Variants in MAP3K1 observed in about 807,000 individuals in gnomAD.
The protein encoded by MAP3K1 is mitogen-activated protein kinase kinase kinase 1.
MAP3K1 carries 36 observed loss-of-function variants against 144.2 expected under a neutral mutation model. That is an observed-to-expected ratio of 0.25 (90% CI 0.19 to 0.33). The LOEUF (loss-of-function observed/expected upper bound fraction) is 0.33. Among genes scored for constraint, MAP3K1 ranks in the 10% least tolerant of loss-of-function variants. The pLI, the probability that MAP3K1 is intolerant of heterozygous loss-of-function variation, is 1.00. For missense variants in MAP3K1, 1,650 were observed against 1,881.9 expected, an observed-to-expected ratio of 0.88 and a Z score of 2.28; for synonymous variants, 718 against 688.7, an observed-to-expected ratio of 1.04 and a Z score of -0.67.
chr5:56,860,674 G>A (rs1041311138), intron 3 of MAP3K1, among the ~76,000 whole-genome samples: 11 of 152,040 alleles, frequency 7.2e-5, no homozygotes, highest in African/African-American at 2.7e-4. Context: ...CCAACATGGT[G>A]AAACCTCATC....
At chr5:56,849,254 G>A (rs1286728716) in intron 1 of MAP3K1, among the ~76,000 whole-genome samples, 3 of 151,930 alleles carry the variant, frequency 2.0e-5, no homozygotes, top group Admixed American at 6.6e-5. Flanking sequence ...GGAGGCTGAC[G>A]CTGGAGGATT....
intron 1 of MAP3K1, among the ~76,000 whole-genome samples, chr5:56,845,197 A>G (rs1409730076): frequency 6.6e-6 from 1 of 152,244 alleles, no homozygotes; most frequent in African/African-American, 2.4e-5. Context: ...GTATTATGCC[A>G]TAACCTACAT....
At chr5:56,832,363 C>G (rs1467510249) in intron 1 of MAP3K1, among the ~76,000 whole-genome samples, 5 of 152,196 alleles carry the variant, frequency 3.3e-5, no homozygotes, top group Non-Finnish European at 7.3e-5. Flanking sequence ...TGGGATCCAG[C>G]CTCAATCATC....
intron 1 of MAP3K1, among the ~76,000 whole-genome samples, chr5:56,840,776 C>G (rs6875569): frequency 0.039 from 5,947 of 151,918 alleles, 407 homozygotes; most frequent in African/African-American, 0.14. Flanking sequence ...GAAACTTGGT[C>G]TGAGAGCCGC....
intron 1 of MAP3K1, among the ~76,000 whole-genome samples, chr5:56,819,294 A>G (rs1746080504): frequency 1.3e-5 from 2 of 152,220 alleles, no homozygotes; most frequent in African/African-American, 2.4e-5. Flanking sequence ...AACAGGAAGT[A>G]GCCCTGTTCA....
At chr5:56,843,082 C>T (rs926890560) in intron 1 of MAP3K1, among the ~76,000 whole-genome samples, 1 of 152,178 alleles carries the variant, frequency 6.6e-6, no homozygotes, top group African/African-American at 2.4e-5. Flanking sequence ...CACGTTTCCT[C>T]ATGTGACCCC....
At chr5:56,817,184 A>G (rs1309001322) in intron 1 of MAP3K1, 1 of 761,930 alleles carries the variant, frequency 1.3e-6, no homozygotes, top group Non-Finnish European at 1.6e-6. Flanking sequence ...TGTTAAAGGA[A>G]ATTCTTTTAA....
Position 56,872,042 on chromosome 5 carries a change from C to CT in MAP3K1, c.1423+16dup, listed in dbSNP as rs764624444. On this transcript the variant is annotated intron_variant, in intron 7 of 19. Coordinates refer to ENST00000399503, the MANE Select transcript of MAP3K1 (RefSeq NM_005921.2). ...ACTGCATGTCAATTTGTATGTGGCTCTTTTTCTCCCTATGCTTACTCAACA... is the reference window on the plus strand; with the variant it reads ...ACTGCATGTCAATTTGTATGTGGCTCTTTTTTCTCCCTATGCTTACTCAACA... The CT allele has an allele frequency of 6.2e-7, 1 of 1,613,900 alleles. No homozygotes were observed. Among genetic ancestry groups the CT allele is most frequent in the South Asian group, 1.1e-5 (1 of 91,074 alleles).
chr5:56,854,469 AT>A (rs964312966), intron 1 of MAP3K1, among the ~76,000 whole-genome samples: 24 of 151,990 alleles, frequency 1.6e-4, no homozygotes, highest in African/African-American at 5.8e-4. Flanking sequence ...AAAGAAAAAA[AT>A]AATCTCATAG....
chr5:56,851,557 TTCTC>T (rs1455293345), intron 1 of MAP3K1, among the ~76,000 whole-genome samples: 1 of 152,206 alleles, frequency 6.6e-6, no homozygotes, highest in Non-Finnish European at 1.5e-5. Context: ...TTCTTCTAAT[TTCTC>T]TCTCTTCTCC....
chr5:56,874,648 A>G (rs114742333), intron 9 of MAP3K1, among the ~76,000 whole-genome samples: 2,936 of 151,992 alleles, frequency 0.019, 114 homozygotes, highest in African/African-American at 0.067. Context: ...TGTTTTCTTA[A>G]TCTTGCTCCA....
intron 19 of MAP3K1, among the ~76,000 whole-genome samples, chr5:56,893,201 T>A (rs1404336045): frequency 6.6e-6 from 1 of 152,174 alleles, no homozygotes; most frequent in East Asian, 1.9e-4. Context: ...TCTCGGAGAT[T>A]GAATATGAGG....
At chr5:56,865,719 C>A in intron 5 of MAP3K1, 110 bp from the exon 6 acceptor site, 2 of 1,152,954 alleles carry the variant, frequency 1.7e-6, no homozygotes, top group Non-Finnish European at 1.3e-6. Flanking sequence ...GCTCTTAAAT[C>A]AACTTTATGA....
intron 1 of MAP3K1, among the ~76,000 whole-genome samples, chr5:56,835,665 G>A (rs1273338264): frequency 1.3e-5 from 2 of 151,812 alleles, no homozygotes; most frequent in Admixed American, 6.6e-5. Context: ...ATAGAAGCTA[G>A]AATGTTTGCA....
intron 9 of MAP3K1, 52 bp from the exon 10 acceptor site, chr5:56,874,980 T>C: frequency 6.3e-7 from 1 of 1,588,132 alleles, no homozygotes; most frequent in Non-Finnish European, 8.6e-7. Flanking sequence ...CAAAATGCTC[T>C]GGGTCCATAA....
In MAP3K1 at chr5:56,815,773, G is replaced by A; in HGVS notation, c.200G>A (p.Ser67Asn). The change falls in exon 1 of 20, where the codon AGT (serine) becomes AAT (asparagine). Residue 67 changes from serine to asparagine, a missense_variant. This residue lies in a region of MAP3K1 where 360 missense variants were observed against 274.7 expected (regional missense o/e 1.31). Transcript: ENST00000399503. ...CGGCGGCAGCTGCGCAAAGTGCGGAGTGTGGAGCTGGACCAGCTGCCTGAG... is the reference window on the plus strand; with the variant it reads ...CGGCGGCAGCTGCGCAAAGTGCGGAATGTGGAGCTGGACCAGCTGCCTGAG... Reference protein sequence around the residue: ...WRRRQLRKVRSVELDQLPEQP... With the variant: ...WRRRQLRKVRNVELDQLPEQP... 3 of 1,413,512 alleles carry A rather than the reference G, an allele frequency of 2.1e-6. No individual in the cohort carries two copies. The highest frequency in any genetic ancestry group is 1.9e-6 in the Non-Finnish European group (2 of 1,080,428). 87.6% of individuals were successfully genotyped at this position (1,413,512 alleles called of 1,614,324 possible). A position where few individuals can be genotyped will look rare whatever the true frequency, so the allele number is the denominator to read the frequency against.
At chr5:56,816,378 G>A (rs1745968869) in intron 1 of MAP3K1, among the ~76,000 whole-genome samples, 1 of 152,008 alleles carries the variant, frequency 6.6e-6, no homozygotes, top group Non-Finnish European at 1.5e-5. Flanking sequence ...CCTGGAATCG[G>A]GGCTCTCCGA....
Position 56,837,647 on chromosome 5 carries a change from T to C in MAP3K1, c.483-18953T>C, listed in dbSNP as rs550291076. ...AAAGATGAGTAAGACAAAGGCTTTG[T>C]TCTCAAGTAAAAGTCCAAGGGGAAA... On this transcript the variant is annotated intron_variant, in intron 1 of 19. Transcript: ENST00000399503. Among the ~76,000 whole-genome samples the C allele has an allele frequency of 3.9e-5, 6 of 152,344 alleles. No homozygotes were observed. In the South Asian group the frequency reaches 1.2e-3, roughly 32 times the overall value.
chr5:56,893,437 A>T, intron 19 of MAP3K1, 94 bp from the exon 20 acceptor site: 3 of 1,282,786 alleles, frequency 2.3e-6, no homozygotes, highest in Non-Finnish European at 3.4e-6. Context: ...TCTGTTCAGG[A>T]TGTAAATGTA....
Sources: allele counts gnomAD v4.1 joint callset (sites outside exome capture counted in the v4.1 genomes callset), GRCh38; gene constraint gnomAD v4.1.1; regional missense constraint gnomAD v4.1.1; transcripts MANE v1.5; gene names NCBI Gene and HGNC (gene_info 2026-07-23, HGNC 2026-07-21).